FBXO21: variants seen among roughly 807,000 people sequenced by gnomAD.
FBXO21 encodes F-box only protein 21.
FBXO21 carries 32 observed loss-of-function variants against 76.6 expected under a neutral mutation model. That is an observed-to-expected ratio of 0.42 (90% confidence interval 0.32 to 0.56). The LOEUF (loss-of-function observed/expected upper bound fraction) is 0.56. FBXO21 is among the 20% of genes least tolerant of loss of function. FBXO21 has a pLI of 0.16. For synonymous variants in FBXO21, 328 were observed against 311.5 expected (o/e 1.05, Z -0.56); for missense variants, 586 against 797.3 (o/e 0.73, Z 3.19).
At chr12:117,151,550 T>C (rs182417458) in intron 11 of FBXO21, among the ~76,000 whole-genome samples, 91 of 152,268 alleles carry the variant, frequency 6.0e-4, no homozygotes, top group African/African-American at 1.9e-3. Context: ...AAGAAAAGTG[T>C]TTAAAAAATA....
rs766477540 is a variant in FBXO21 at position 117,190,299 on chromosome 12, C to T, written c.158G>A (p.Gly53Asp). ...CCGSLTAADI[G>D]RVSSTCRRLR... The stretch of plus-strand genomic sequence containing the variant: ...CCGCCGGCAGGTGCTGGAGACACGG[C>T]CGATGTCGGCGGCCGTCAGCGAGCC... Residue 53 changes from glycine to aspartate, a missense_variant, in exon 1 of 12, where the codon GGC becomes GAC. Around this residue, in one of 6 missense-constraint regions of FBXO21, gnomAD observed 152 missense variants for 127.2 expected, o/e 1.19. Transcript: ENST00000622495. The T allele has an allele frequency of 1.1e-4, 164 of 1,533,192 alleles. No homozygotes were observed. The highest frequency in any genetic ancestry group is 1.4e-4 in the Non-Finnish European group (160 of 1,151,024). The allele number at this position is 1,533,192 out of a possible 1,614,324, so 95.0% of individuals were successfully genotyped here. A position where few individuals can be genotyped will look rare whatever the true frequency, so the allele number is the denominator to read the frequency against.
intron 11 of FBXO21, among the ~76,000 whole-genome samples, chr12:117,150,953 AGTTTGTGTGT>A (rs1955833859): frequency 1.3e-5 from 1 of 77,390 alleles, no homozygotes; most frequent in African/African-American, 5.8e-5. Context: ...GTATCAAATA[AGTTTGTGTGT>A]GTGTGTGTGT....
chr12:117,170,272 G>C (rs916377155), intron 7 of FBXO21, among the ~76,000 whole-genome samples: 2 of 151,840 alleles, frequency 1.3e-5, no homozygotes, highest in African/African-American at 4.8e-5. Context: ...CATGTTCACA[G>C]AAAGACTGAT....
In FBXO21 at chr12:117,146,149, C is replaced by G; in HGVS notation, c.1804G>C (p.Glu602Gln). The stretch of plus-strand genomic sequence containing the variant: ...TTCTGCACCGTTTCATAGACAAACT[C>G]CAGATCTTCTGGATACCGGATCTCC... ...ELEIRYPEDLEFVYETVQNIY... is the reference protein window; with the variant it reads ...ELEIRYPEDLQFVYETVQNIY... Residue 602 changes from glutamate (E) to glutamine (Q), a missense_variant, in exon 12 of 12, where the codon GAG (glutamate) becomes CAG (glutamine). Coordinates refer to ENST00000622495, the MANE Select transcript of FBXO21 (RefSeq NM_015002.3). The G allele has an allele frequency of 6.2e-7, 1 of 1,613,962 alleles. No homozygotes were observed. Among genetic ancestry groups the G allele is most frequent in the Non-Finnish European group, 8.5e-7 (1 of 1,179,956 alleles).
chr12:117,179,593 G>C (rs897419432), intron 3 of FBXO21, among the ~76,000 whole-genome samples: 4 of 152,240 alleles, frequency 2.6e-5, no homozygotes, highest in African/African-American at 9.6e-5. Flanking sequence ...CTGTAAATTG[G>C]ATGTAGAGGC....
In FBXO21 at chr12:117,190,400, C is replaced by T; in HGVS notation, c.57G>A (p.Glu19=). The change falls in exon 1 of 12, where the codon GAG becomes GAA. Residue 19 remains glutamate (E), a synonymous_variant. Coordinates refer to ENST00000622495, the MANE Select transcript of FBXO21 (RefSeq NM_015002.3). ...TGAGGCCCGCTACCTCCGGCGCGGC[C>T]TCCTCCGCCAGCGCCGGCACCACCT... is the stretch of plus-strand genomic sequence containing the variant. The part of the protein sequence containing the change: ...AMEVVPALAE[E]AAPEVAGLSC... The T allele has an allele frequency of 6.7e-7, 1 of 1,495,834 alleles. No individual in the cohort carries two copies. The highest frequency in any genetic ancestry group is 8.8e-7 in the Non-Finnish European group (1 of 1,130,170). 92.7% of individuals were successfully genotyped at this position (1,495,834 alleles called of 1,614,324 possible). A position where few individuals can be genotyped will look rare whatever the true frequency, so the allele number is the denominator to read the frequency against.
Position 117,155,782 on chromosome 12 carries a change from G to C in FBXO21, c.1675+9C>G, listed in dbSNP as rs377288420. The C allele has an allele frequency of 1.3e-5, 21 of 1,610,180 alleles. No homozygotes were observed. Among genetic ancestry groups the C allele is most frequent in the Non-Finnish European group, 1.8e-5 (21 of 1,177,882 alleles). On this transcript the variant is annotated intron_variant, in intron 11 of 11. Coordinates refer to ENST00000622495, the MANE Select transcript of FBXO21 (RefSeq NM_015002.3). ...GGGGCCACTGGCACAAGCGGAACCCGCCGCTTACCTTGGGCTGCGTATCGA... is the reference window on the plus strand; with the variant it reads ...GGGGCCACTGGCACAAGCGGAACCCCCCGCTTACCTTGGGCTGCGTATCGA...
intron 7 of FBXO21, among the ~76,000 whole-genome samples, chr12:117,171,372 A>AG (rs1956117162): frequency 6.6e-6 from 1 of 151,728 alleles, no homozygotes. Flanking sequence ...AAAAAAAAAA[A>AG]AAAAAAAAAG....
intron 9 of FBXO21, among the ~76,000 whole-genome samples, chr12:117,159,013 C>T (rs1028496795): frequency 1.4e-4 from 21 of 152,216 alleles, no homozygotes; most frequent in African/African-American, 4.3e-4. Context: ...AGGCCCAGAT[C>T]GGTCAGACTA....
chr12:117,147,972 C>G (rs911035517), intron 11 of FBXO21, among the ~76,000 whole-genome samples: 7 of 152,230 alleles, frequency 4.6e-5, no homozygotes, highest in Non-Finnish European at 8.8e-5. Context: ...GATGGGCTCA[C>G]CGACACGAAC....
At chr12:117,162,174 G>C (rs942151337) in intron 9 of FBXO21, among the ~76,000 whole-genome samples, 2 of 152,200 alleles carry the variant, frequency 1.3e-5, no homozygotes, top group Admixed American at 6.5e-5. Context: ...GTTTGCCTTG[G>C]AAAATTGGAG....
intron 11 of FBXO21, among the ~76,000 whole-genome samples, chr12:117,153,396 C>A (rs1036960558): frequency 2.0e-5 from 3 of 152,108 alleles, no homozygotes; most frequent in Non-Finnish European, 2.9e-5. Context: ...CAGAGATAAT[C>A]GAGTTAAAAC....
chr12:117,176,896 C>T (rs148753532), intron 4 of FBXO21, among the ~76,000 whole-genome samples: 122 of 152,070 alleles, frequency 8.0e-4, no homozygotes, highest in African/African-American at 2.6e-3. Context: ...AAGTAAACGA[C>T]CAGTCATATT....
At position 117,168,673 on chromosome 12, in the gene FBXO21, C is replaced by T. The variant is rs568079743; in HGVS notation, c.1014-1596G>A. ...GGACAAATGTACAAAAATTTCTAGGCCAAGATCATTTATGAGCTATCATAA... is the reference window on the plus strand; with the variant it reads ...GGACAAATGTACAAAAATTTCTAGGTCAAGATCATTTATGAGCTATCATAA... On this transcript the variant is annotated intron_variant, in intron 7 of 11. Coordinates refer to ENST00000622495, the MANE Select transcript of FBXO21 (RefSeq NM_015002.3). Among the ~76,000 whole-genome samples, 20 of 152,134 alleles carry T rather than the reference C, an allele frequency of 1.3e-4. No homozygotes were observed. The South Asian group carries it at 4.2e-3, about 32-fold the overall frequency.
Position 117,186,575 on chromosome 12 carries a change from T to C in FBXO21, c.376-4A>G, listed in dbSNP as rs779240765. 11 of 1,595,906 alleles carry C rather than the reference T, an allele frequency of 6.9e-6. No homozygotes were observed. The South Asian group carries it at 1.0e-4, about 15-fold the overall frequency. On this transcript the variant is annotated splice_region_variant and splice_polypyrimidine_tract_variant and intron_variant, in intron 2 of 11. Coordinates refer to ENST00000622495, the MANE Select transcript of FBXO21 (RefSeq NM_015002.3). ...CACTGAAGCCATTACAAGGAACCTA[T>C]GAAGAAGACATATACAAGTAGGCCT... is the stretch of plus-strand genomic sequence containing the variant.
intron 2 of FBXO21, 80 bp downstream of exon 2, chr12:117,189,147 A>T: frequency 6.6e-7 from 1 of 1,522,406 alleles, no homozygotes; most frequent in Non-Finnish European, 9.1e-7. Flanking sequence ...ATACGAAAAG[A>T]GCTGGATGAG....
chr12:117,161,163 G>A (rs188551181), intron 9 of FBXO21, among the ~76,000 whole-genome samples: 21 of 152,212 alleles, frequency 1.4e-4, no homozygotes, highest in South Asian at 4.2e-4. Flanking sequence ...CCGCACACAG[G>A]AACCAGGGAA....
At chr12:117,167,935 T>C (rs987032535) in intron 7 of FBXO21, among the ~76,000 whole-genome samples, 37 of 152,274 alleles carry the variant, frequency 2.4e-4, no homozygotes, top group African/African-American at 8.7e-4. Flanking sequence ...TTCTGCTTTC[T>C]GTGACCTGCA....
Position 117,174,187 on chromosome 12 carries a change from T to C in FBXO21, c.876+18A>G. 1 of 1,589,514 alleles carries C rather than the reference T, an allele frequency of 6.3e-7. No individual in the cohort carries two copies. The highest frequency in any genetic ancestry group is 8.6e-7 in the Non-Finnish European group (1 of 1,157,614). On this transcript the variant is annotated intron_variant, in intron 6 of 11. Coordinates refer to ENST00000622495, the MANE Select transcript of FBXO21 (RefSeq NM_015002.3). ...TACCTATATTACTATACCCATATATTACTGTACCTATATTTACCTGATGCA... is the reference window on the plus strand; with the variant it reads ...TACCTATATTACTATACCCATATATCACTGTACCTATATTTACCTGATGCA...
Sources: allele counts gnomAD v4.1 joint callset (sites outside exome capture counted in the v4.1 genomes callset), GRCh38; gene constraint gnomAD v4.1.1; regional missense constraint gnomAD v4.1.1; transcripts MANE v1.5; gene names NCBI Gene and HGNC (gene_info 2026-07-23, HGNC 2026-07-21).